The following MCF2L2 variants were observed in gnomAD, a reference collection of about 807,000 sequenced individuals.
MCF2L2 encodes the protein MCF.2 cell line derived transforming sequence-like 2.
A neutral mutation model predicts 150.2 loss-of-function variants in MCF2L2; 102 were observed. The observed-to-expected ratio is 0.68, with a 90% CI of 0.58 to 0.80. MCF2L2 has a LOEUF of 0.80. MCF2L2 is among the 30% of genes least tolerant of loss of function. MCF2L2 has a pLI of 0.00. For missense variants in MCF2L2, 1,256 were observed against 1,372.8 expected, an observed-to-expected ratio of 0.91 and a Z score of 1.34; for synonymous variants, 465 against 491.3, an observed-to-expected ratio of 0.95 and a Z score of 0.71.
intron 18 of MCF2L2, chr3:183,225,238 C>G (rs1723302280): frequency 6.6e-6 from 1 of 152,276 alleles, no homozygotes; most frequent in South Asian, 2.1e-4. Context: ...GTGGTCATTT[C>G]AGCATAGGAA....
intron 10 of MCF2L2, among the ~76,000 whole-genome samples, chr3:183,308,023 C>T (rs1729184229): frequency 6.6e-6 from 1 of 152,230 alleles, no homozygotes. Context: ...CCTTTCCAGA[C>T]CATTCTAGCT....
At chr3:183,323,720 C>T (rs1440473760) in intron 5 of MCF2L2, among the ~76,000 whole-genome samples, 1 of 151,604 alleles carries the variant, frequency 6.6e-6, no homozygotes, top group Non-Finnish European at 1.5e-5. Flanking sequence ...ACTGCTTGGG[C>T]CTGGAGGTTA....
At chr3:183,180,249 G>T in intron 27 of MCF2L2, 90 bp from the exon 28 acceptor site, 1 of 805,772 alleles carries the variant, frequency 1.2e-6, no homozygotes, top group Non-Finnish European at 2.2e-6. Flanking sequence ...AGTGCCTGTT[G>T]CAGGCACGGT....
At chr3:183,224,573 G>A (rs1416698793) in intron 18 of MCF2L2, 3 of 158,062 alleles carry the variant, frequency 1.9e-5, no homozygotes, top group Non-Finnish European at 4.2e-5. Context: ...AAAAGAGGCT[G>A]GTGTTTGATG....
In MCF2L2 at chr3:183,216,217, G is replaced by A. The variant is rs1560346817; in HGVS notation, c.2371-123C>T. On this transcript the variant is annotated intron_variant, in intron 21 of 29. Transcript: ENST00000328913. ...ACCCTGACTGAGAAGGGTGGATATTGATCTGTCTCCCTGCTCCCAAAGCAT... is the reference window on the plus strand; with the variant it reads ...ACCCTGACTGAGAAGGGTGGATATTAATCTGTCTCCCTGCTCCCAAAGCAT... The A allele has an allele frequency of 3.8e-6, 4 of 1,047,836 alleles. No homozygotes were observed. The South Asian group carries it at 6.0e-5, about 16-fold the overall frequency. 64.9% of individuals were successfully genotyped at this position (1,047,836 alleles called of 1,614,324 possible).
At position 183,318,074 on chromosome 3, in the gene MCF2L2, C is replaced by T. The variant is rs1468104159; in HGVS notation, c.747G>A (p.Lys249=). ...GAGGTCACTGACCGCTCACCTGCAG[C>T]TTGTCCCGCTGCCTTGTGTGGGACA... The part of the protein sequence containing the change: ...LLMSHTRQRD[K]LQDELKLLGK... The change falls in exon 7 of 30, where the codon AAG becomes AAA. Residue 249 remains lysine (K), a synonymous_variant. Transcript: ENST00000328913. 1.9e-6 allele frequency: 3 copies of T among 1,613,746 alleles called. No individual in the cohort carries two copies. Among genetic ancestry groups the T allele is most frequent in the South Asian group, 1.1e-5 (1 of 90,976 alleles).
chr3:183,179,557 CTTT>C lies in MCF2L2; in HGVS notation c.3221+17_3221+19del. 1 of 1,613,688 alleles carries C rather than the reference CTTT, an allele frequency of 6.2e-7. No individual in the cohort carries two copies. Among genetic ancestry groups the C allele is most frequent in the South Asian group, 1.1e-5 (1 of 91,044 alleles). ...GCCGTGGCCCAAAGAGGCGCTTAGTCTTTCCTCGCTCACACTCACGTTTCCTCC... is the reference window on the plus strand; with the variant it reads ...GCCGTGGCCCAAAGAGGCGCTTAGTCCCTCGCTCACACTCACGTTTCCTCC... On this transcript the variant is annotated intron_variant, in intron 29 of 29. Transcript: ENST00000328913. The surrounding 1 kb of genome is among the most constrained non-coding windows in gnomAD (Gnocchi z 4.2).
chr3:183,252,783 TC>T (rs1482957498), intron 15 of MCF2L2, among the ~76,000 whole-genome samples: 3 of 152,262 alleles, frequency 2.0e-5, no homozygotes, highest in Non-Finnish European at 4.4e-5. Context: ...TCTGTCATGT[TC>T]TGAAATATGT....
chr3:183,342,426 G>A (rs748917281), intron 3 of MCF2L2, among the ~76,000 whole-genome samples: 10 of 152,056 alleles, frequency 6.6e-5, no homozygotes, highest in East Asian at 1.9e-4. Flanking sequence ...CATATTACCA[G>A]TAATGAGATG....
intron 3 of MCF2L2, among the ~76,000 whole-genome samples, chr3:183,361,102 C>CAAGAAAAGAA (rs1266001293): frequency 5.1e-5 from 5 of 97,452 alleles, no homozygotes; most frequent in African/African-American, 2.2e-4. Context: ...CAAGACAAGA[C>CAAGAAAAGAA]AAGAAAAGAA....
At chr3:183,214,928 G>A (rs903036984) in intron 22 of MCF2L2, among the ~76,000 whole-genome samples, 5 of 152,124 alleles carry the variant, frequency 3.3e-5, no homozygotes, top group African/African-American at 1.2e-4. Flanking sequence ...CTGGCGGGCA[G>A]AGGTTGCAGT....
At chr3:183,184,990 C>G (rs2108629475) in intron 27 of MCF2L2, among the ~76,000 whole-genome samples, 1 of 151,722 alleles carries the variant, frequency 6.6e-6, no homozygotes, top group South Asian at 2.1e-4. Context: ...GATCTCGGCT[C>G]ACTGCAACCT....
At position 183,292,588 on chromosome 3, in the gene MCF2L2, CAT is replaced by C. The variant is rs1553775822; in HGVS notation, c.1675+2710_1675+2711del. Among the ~76,000 whole-genome samples the C allele has an allele frequency of 1.2e-4, 18 of 151,024 alleles. No individual in the cohort carries two copies. In the South Asian group the frequency reaches 2.1e-3, roughly 18 times the overall value. ...ACACACACACACACACACACACACA[CAT>C]GCACACACACACGTATGTATTTCTC... On this transcript the variant is annotated intron_variant, in intron 13 of 29. Coordinates refer to ENST00000328913, the MANE Select transcript of MCF2L2 (RefSeq NM_015078.4).
At chr3:183,366,264 T>TA (rs1355176883) in intron 3 of MCF2L2, among the ~76,000 whole-genome samples, 4 of 152,272 alleles carry the variant, frequency 2.6e-5, no homozygotes, top group African/African-American at 9.6e-5. Flanking sequence ...GTTTTTTACA[T>TA]AAAAAAATTC....
chr3:183,302,111 ATGT>A (rs1349048419), intron 10 of MCF2L2, among the ~76,000 whole-genome samples: 1 of 152,114 alleles, frequency 6.6e-6, no homozygotes, highest in Admixed American at 6.5e-5. Flanking sequence ...CATTTCACAC[ATGT>A]TGTCACAACC....
intron 15 of MCF2L2, among the ~76,000 whole-genome samples, chr3:183,255,866 T>TA (rs906928967): frequency 3.3e-5 from 5 of 151,702 alleles, no homozygotes; most frequent in Non-Finnish European, 7.4e-5. Context: ...ACAGCTTGAA[T>TA]AATAACTCAT....
At chr3:183,344,101 T>C (rs1309647231) in intron 3 of MCF2L2, among the ~76,000 whole-genome samples, 2 of 151,706 alleles carry the variant, frequency 1.3e-5, no homozygotes, top group African/African-American at 2.4e-5. Context: ...GCACAAGAGA[T>C]AGACTGGGCT....
intron 15 of MCF2L2, among the ~76,000 whole-genome samples, chr3:183,268,311 A>T (rs1375144425): frequency 2.0e-5 from 3 of 152,222 alleles, no homozygotes; most frequent in African/African-American, 7.2e-5. Flanking sequence ...AGAGGCTCTG[A>T]AGGAGTTAAA....
chr3:183,278,223 T>C (rs1351485114), intron 14 of MCF2L2, among the ~76,000 whole-genome samples: 2 of 142,520 alleles, frequency 1.4e-5, no homozygotes, highest in African/African-American at 5.9e-5. Context: ...TTTTATTATA[T>C]TGTTTATTAA....
Sources: allele counts gnomAD v4.1 joint callset (sites outside exome capture counted in the v4.1 genomes callset), GRCh38; gene constraint gnomAD v4.1.1; non-coding constraint Gnocchi (gnomAD v3.1); transcripts MANE v1.5; gene names NCBI Gene and HGNC (gene_info 2026-07-23, HGNC 2026-07-21).